The following SVIL variants were observed in gnomAD, a reference collection of about 807,000 sequenced individuals.
SVIL encodes supervillin.
A neutral mutation model predicts 240.4 loss-of-function variants in SVIL; 101 were observed. The ratio of observed to expected loss-of-function variants is 0.42; its 90% CI spans 0.36 to 0.50. The LOEUF is 0.50. SVIL is among the 20% of genes least tolerant of loss of function. The pLI, the probability that SVIL is intolerant of heterozygous loss-of-function variation, is 0.01. For missense variants in SVIL, 2,512 were observed against 2,818.7 expected (o/e 0.89, Z 2.46); for synonymous variants, 999 against 1,100.0 (o/e 0.91, Z 1.82).
At chr10:29,684,881 G>C (rs1348038002) in intron 2 of SVIL, among the ~76,000 whole-genome samples, 1 of 152,116 alleles carries the variant, frequency 6.6e-6, no homozygotes, top group Non-Finnish European at 1.5e-5. Flanking sequence ...TTGGAATTTG[G>C]TATCTTACTG....
chr10:29,680,525 G>A (rs977527501), intron 2 of SVIL, among the ~76,000 whole-genome samples: 9 of 152,364 alleles, frequency 5.9e-5, no homozygotes, highest in African/African-American at 2.2e-4. Context: ...GATGCGTGCT[G>A]TGATCTTGCA....
In SVIL at chr10:29,492,483, G is replaced by A. The variant is rs146446576; in HGVS notation, c.4019+731C>T. ...CGAGGCCACATCTGCACTGTTCAGCGCGTGAGCCAGTAAACCCCTCCGCAC... is the reference window on the plus strand; with the variant it reads ...CGAGGCCACATCTGCACTGTTCAGCACGTGAGCCAGTAAACCCCTCCGCAC... On this transcript the variant is annotated intron_variant, in intron 21 of 37. Transcript: ENST00000355867. 2.4e-3 allele frequency among the ~76,000 whole-genome samples: 366 copies of A among 152,104 alleles called. 2 individuals are homozygous for A. Among genetic ancestry groups the A allele is most frequent in the African/African-American group, 8.5e-3 (354 of 41,496 alleles).
chr10:29,689,564 G>A (rs542012512), intron 1 of SVIL, among the ~76,000 whole-genome samples: 8 of 152,302 alleles, frequency 5.3e-5, no homozygotes, highest in South Asian at 2.1e-4. Flanking sequence ...GATTACAGGC[G>A]CGAGCCACCG....
At chr10:29,607,912 C>T (rs1355963975) in intron 1 of SVIL, among the ~76,000 whole-genome samples, 1 of 152,208 alleles carries the variant, frequency 6.6e-6, no homozygotes, top group Non-Finnish European at 1.5e-5. Flanking sequence ...CTGGGAGGCT[C>T]TTTCCCATCA....
intron 1 of SVIL, among the ~76,000 whole-genome samples, chr10:29,615,809 A>G (rs1169853510): frequency 6.6e-6 from 1 of 152,224 alleles, no homozygotes; most frequent in Non-Finnish European, 1.5e-5. Context: ...TGTTTTCCAA[A>G]TCCTGTTCAG....
intron 2 of SVIL, among the ~76,000 whole-genome samples, chr10:29,678,744 T>G (rs1343610269): frequency 1.3e-5 from 2 of 152,160 alleles, no homozygotes; most frequent in Admixed American, 6.5e-5. Context: ...GTGAGCAGAG[T>G]AGAAGCTGGA....
intron 22 of SVIL, among the ~76,000 whole-genome samples, chr10:29,490,407 C>T (rs1947832496): frequency 6.6e-6 from 1 of 152,056 alleles, no homozygotes; most frequent in Non-Finnish European, 1.5e-5. Flanking sequence ...TTACCATACT[C>T]AGAAATATCC....
At chr10:29,718,962 T>G (rs1005197931) in intron 1 of SVIL, among the ~76,000 whole-genome samples, 5 of 152,094 alleles carry the variant, frequency 3.3e-5, no homozygotes, top group African/African-American at 1.2e-4. Context: ...ATACAAAAAT[T>G]AGCCAGGCAT....
intron 1 of SVIL, among the ~76,000 whole-genome samples, chr10:29,612,869 G>A (rs1226590507): frequency 1.3e-5 from 2 of 152,112 alleles, no homozygotes; most frequent in Non-Finnish European, 2.9e-5. Flanking sequence ...ATGGCACTGG[G>A]CCAAGATGCT....
At chr10:29,709,492 C>T (rs1227496682) in intron 1 of SVIL, among the ~76,000 whole-genome samples, 2 of 152,308 alleles carry the variant, frequency 1.3e-5, no homozygotes, top group East Asian at 3.9e-4. Context: ...CTTTGAATTA[C>T]GGGAGCTGGA....
At chr10:29,476,594 G>T (rs1162187334) in intron 29 of SVIL, among the ~76,000 whole-genome samples, 1 of 152,040 alleles carries the variant, frequency 6.6e-6, no homozygotes, top group Admixed American at 6.6e-5. Context: ...GTATAAACAA[G>T]GTCTCTCACT....
intron 2 of SVIL, among the ~76,000 whole-genome samples, chr10:29,675,011 G>A (rs576370813): frequency 8.5e-5 from 13 of 152,260 alleles, no homozygotes; most frequent in Admixed American, 7.8e-4. Context: ...CAGCTGACTC[G>A]CAACCTTAAT....
In SVIL at chr10:29,484,093, G is replaced by T. The variant is rs1046160331; in HGVS notation, c.4955+563C>A. ...ACATATTCTATTGAATTGCCAAAAT[G>T]ACTTTAAAGAGTCTAGTACATGCAG... is the stretch of plus-strand genomic sequence containing the variant. On this transcript the variant is annotated intron_variant, in intron 27 of 37. Transcript: ENST00000355867. The surrounding 1 kb of genome is among the most constrained non-coding windows in gnomAD (Gnocchi z 4.7). Among the ~76,000 whole-genome samples the T allele has an allele frequency of 6.6e-6, 1 of 152,114 alleles. No homozygotes were observed. Among genetic ancestry groups the T allele is most frequent in the Non-Finnish European group, 1.5e-5 (1 of 68,032 alleles).
At chr10:29,639,164 C>T (rs1958402299), upstream of SVIL, among the ~76,000 whole-genome samples, 1 of 151,864 alleles carries the variant, frequency 6.6e-6, no homozygotes, top group Non-Finnish European at 1.5e-5. Context: ...GAACTCTTCC[C>T]CTTTCTTTTT....
At chr10:29,648,737 T>A (rs1199715422) in intron 3 of SVIL, among the ~76,000 whole-genome samples, 1 of 151,704 alleles carries the variant, frequency 6.6e-6, no homozygotes, top group African/African-American at 2.4e-5. Flanking sequence ...TCATCCCAGA[T>A]AACCACTCTA....
chr10:29,535,851 G>C lies in SVIL; in HGVS notation c.908+138C>G, dbSNP rs17695190. 46,984 of 801,920 alleles carry C rather than the reference G, an allele frequency of 0.059. 1,648 individuals are homozygous for C. The highest frequency in any genetic ancestry group is 0.072 in the Non-Finnish European group (34,997 of 484,376). The allele number at this position is 801,920 out of a possible 1,614,324, so 49.7% of individuals were successfully genotyped here. A position where few individuals can be genotyped will look rare whatever the true frequency, so the allele number is the denominator to read the frequency against. On this transcript the variant is annotated intron_variant, in intron 7 of 37. Transcript: ENST00000355867. ...TGTGGAGGGGAAAAGCAAATGATTA[G>C]AAAGTAACTTCCACGTGATTTTCAA...
At chr10:29,566,590 C>A (rs1954983495) in intron 2 of SVIL, among the ~76,000 whole-genome samples, 1 of 152,176 alleles carries the variant, frequency 6.6e-6, no homozygotes, top group African/African-American at 2.4e-5. Context: ...CCCGAGGGCA[C>A]CGATCATCAA....
At chr10:29,581,554 G>C (rs10437413) in intron 1 of SVIL, among the ~76,000 whole-genome samples, 8,659 of 152,212 alleles carry the variant, frequency 0.057, 704 homozygotes, top group African/African-American at 0.18. Context: ...TTTCTTTATC[G>C]GATGTGTTGA....
chr10:29,712,051 G>T (rs1287044330), intron 1 of SVIL: 2 of 151,970 alleles, frequency 1.3e-5, no homozygotes, highest in Non-Finnish European at 2.9e-5. Flanking sequence ...AAATTTTAAA[G>T]AAAAAGATAT....
Sources: gnomAD v4.1 joint callset for allele counts (sites outside exome capture counted in the v4.1 genomes callset) on GRCh38, gnomAD v4.1.1 for gene constraint, Gnocchi (gnomAD v3.1) non-coding constraint, MANE v1.5 for transcripts, NCBI Gene and HGNC (gene_info 2026-07-23, HGNC 2026-07-21) for gene names.